GCGR: variants seen among roughly 807,000 people sequenced by gnomAD.
The protein encoded by GCGR is glucagon receptor.
In GCGR, 41 loss-of-function variants were observed where a neutral mutation model predicts 56.1. That is an observed-to-expected ratio of 0.73 (90% confidence interval 0.57 to 0.95). The LOEUF (loss-of-function observed/expected upper bound fraction) is 0.95. GCGR is among the 40% of genes least tolerant of loss of function. The pLI, the probability that GCGR is intolerant of heterozygous loss-of-function variation, is 0.00. For synonymous variants in GCGR, 278 were observed against 271.1 expected, an observed-to-expected ratio of 1.03 and a Z score of -0.25; for missense variants, 595 against 638.2, an observed-to-expected ratio of 0.93 and a Z score of 0.73.
chr17:81,813,462 C>T lies in GCGR; in HGVS notation c.1219-12C>T. The T allele has an allele frequency of 6.5e-7, 1 of 1,533,848 alleles. No homozygotes were observed. On this transcript the variant is annotated splice_polypyrimidine_tract_variant and intron_variant, in intron 13 of 13. Transcript: ENST00000400723. This position sits in a 1 kb window ranked among gnomAD's most constrained non-coding sequence, Gnocchi z 5.3. ...AGGCCCTAGGACTGGCCTGCCCCGT[C>T]CCCCTCCCCAGGTGCAGTCGGAGCT...
In GCGR at chr17:81,811,006, C is replaced by G; in HGVS notation, c.272-4C>G. On this transcript the variant is annotated splice_polypyrimidine_tract_variant and splice_region_variant and intron_variant, in intron 4 of 13. Transcript: ENST00000400723. This position sits in a 1 kb window ranked among gnomAD's most constrained non-coding sequence, Gnocchi z 5.8. ...CTGACCCCAGCCTCCCCCCACACCC[C>G]CAGTGCAACACCGCTTCGTGTTCAA... 6.5e-7 allele frequency: 1 copy of G among 1,535,900 alleles called. No homozygotes were observed. Among genetic ancestry groups the G allele is most frequent in the Non-Finnish European group, 8.7e-7 (1 of 1,146,684 alleles).
Position 81,813,364 on chromosome 17 carries a change from C to A in GCGR, c.1219-110C>A. On this transcript the variant is annotated intron_variant, in intron 13 of 13. Coordinates refer to ENST00000400723, the MANE Select transcript of GCGR (RefSeq NM_000160.5). This position sits in a 1 kb window ranked among gnomAD's most constrained non-coding sequence, Gnocchi z 5.3. Reference sequence around the variant, plus strand: ...CCAGCAGGGAGCTTGTGTCGCTCTGCACCCCTCAGAGCGGAGACTGGGCAT... The same window carrying A: ...CCAGCAGGGAGCTTGTGTCGCTCTGAACCCCTCAGAGCGGAGACTGGGCAT... 9.4e-7 allele frequency: 1 copy of A among 1,068,648 alleles called. No homozygotes were observed. Among genetic ancestry groups the A allele is most frequent in the South Asian group, 1.5e-5 (1 of 66,168 alleles). The allele number at this position is 1,068,648 out of a possible 1,614,324, so 66.2% of individuals were successfully genotyped here.
At position 81,813,803 on chromosome 17, in the gene GCGR, C is replaced by T. The variant is rs1214295708; in HGVS notation, c.*114C>T. On this transcript the variant is annotated 3_prime_UTR_variant, in exon 14 of 14. Transcript: ENST00000400723. This position sits in a 1 kb window ranked among gnomAD's most constrained non-coding sequence, Gnocchi z 5.3. Reference sequence around the variant, plus strand: ...GGGCGGGGGAGCCAACAGCAGCCCCCACCTACCCCCCACCCCCAGTGTGGC... The same window carrying T: ...GGGCGGGGGAGCCAACAGCAGCCCCTACCTACCCCCCACCCCCAGTGTGGC... 1.1e-6 allele frequency: 1 copy of T among 941,198 alleles called. No individual in the cohort carries two copies. Among genetic ancestry groups the T allele is most frequent in the Non-Finnish European group, 1.6e-6 (1 of 640,276 alleles). 58.3% of individuals were successfully genotyped at this position (941,198 alleles called of 1,614,324 possible).
Position 81,811,003 on chromosome 17 carries a change from C to T in GCGR, c.272-7C>T. ...GGGCTGACCCCAGCCTCCCCCCACA[C>T]CCCCAGTGCAACACCGCTTCGTGTT... is the stretch of plus-strand genomic sequence containing the variant. On this transcript the variant is annotated splice_polypyrimidine_tract_variant and splice_region_variant and intron_variant, in intron 4 of 13. Transcript: ENST00000400723. The surrounding 1 kb of genome is among the most constrained non-coding windows in gnomAD (Gnocchi z 5.8). 2.0e-6 allele frequency: 3 copies of T among 1,535,898 alleles called. No homozygotes were observed. In the South Asian group the frequency reaches 3.6e-5, roughly 18 times the overall value.
chr17:81,805,617 C>T (rs1225261578), intron 1 of GCGR, among the ~76,000 whole-genome samples: 1 of 147,898 alleles, frequency 6.8e-6, no homozygotes, highest in Non-Finnish European at 1.5e-5. Flanking sequence ...CCTCGGGAAC[C>T]CTCCCATTGG....
In GCGR at chr17:81,810,849, A is replaced by C. The variant is rs1283204989; in HGVS notation, c.188A>C (p.Asp63Ala). 6.5e-7 allele frequency: 1 copy of C among 1,536,594 alleles called. No homozygotes were observed. The change falls in exon 4 of 14, where the codon GAC becomes GCC. Residue 63 changes from aspartate to alanine, a missense_variant. Physicochemically the swap from Asp to Ala is moderately radical, Grantham distance 126 (BLOSUM62 -2). Coordinates refer to ENST00000400723, the MANE Select transcript of GCGR (RefSeq NM_000160.5). The surrounding 1 kb of genome is among the most constrained non-coding windows in gnomAD (Gnocchi z 4.6). ...PTELVCNRTF[D>A]KYSCWPDTPA... ...GAGCTGGTGTGCAACAGAACCTTCG[A>C]CAAGTATTCCTGCTGGCCGGACACC...
chr17:81,813,420 G>A lies in GCGR; in HGVS notation c.1219-54G>A. 1 of 1,484,754 alleles carries A rather than the reference G, an allele frequency of 6.7e-7. No homozygotes were observed. The allele number at this position is 1,484,754 out of a possible 1,614,324, so 92.0% of individuals were successfully genotyped here. ...ATGAGGCCCACAGCAGGTCCCGGTG[G>A]GGTGGAGAGGACAGGCAGGCCCTAG... is the stretch of plus-strand genomic sequence containing the variant. On this transcript the variant is annotated intron_variant, in intron 13 of 13. Transcript: ENST00000400723. The surrounding 1 kb of genome is among the most constrained non-coding windows in gnomAD (Gnocchi z 5.3).
Position 81,810,172 on chromosome 17 carries a change from C to T in GCGR, c.163+288C>T. On this transcript the variant is annotated intron_variant, in intron 3 of 13. Coordinates refer to ENST00000400723, the MANE Select transcript of GCGR (RefSeq NM_000160.5). The surrounding 1 kb of genome is among the most constrained non-coding windows in gnomAD (Gnocchi z 4.6). ...AGGCCCAGATGGGTAATACCACCTA[C>T]AGCCCCGTGGAGTTTTCAGTGGGCA... 7 of 506,362 alleles carry T rather than the reference C, an allele frequency of 1.4e-5. No individual in the cohort carries two copies. The highest frequency in any genetic ancestry group is 5.6e-4 in the Middle Eastern group (1 of 1,772). The allele number at this position is 506,362 out of a possible 1,614,324, so 31.4% of individuals were successfully genotyped here.
At position 81,810,608 on chromosome 17, in the gene GCGR, C is replaced by G. The variant is rs891255897; in HGVS notation, c.164-217C>G. On this transcript the variant is annotated intron_variant, in intron 3 of 13. Coordinates refer to ENST00000400723, the MANE Select transcript of GCGR (RefSeq NM_000160.5). This position sits in a 1 kb window ranked among gnomAD's most constrained non-coding sequence, Gnocchi z 4.6. ...TTCAGGGCTGGGCTGGGCGTGCTAG[C>G]GGAGGCTGGTCCAGGGGAGGTGGAT... Among the ~76,000 whole-genome samples, 1 of 151,152 alleles carries G rather than the reference C, an allele frequency of 6.6e-6. No homozygotes were observed. The highest frequency in any genetic ancestry group is 1.5e-5 in the Non-Finnish European group (1 of 67,812).
chr17:81,809,938 A>C, intron 3 of GCGR, 54 bp downstream of exon 3: 1 of 1,329,558 alleles, frequency 7.5e-7, no homozygotes, highest in Non-Finnish European at 1.0e-6. Flanking sequence ...GCACTTCCTG[A>C]GTTCTCTTCA....
intron 1 of GCGR, among the ~76,000 whole-genome samples, chr17:81,808,012 A>G (rs2037997357): frequency 6.6e-6 from 1 of 151,924 alleles, no homozygotes; most frequent in African/African-American, 2.4e-5. Context: ...CTGTGCAGCC[A>G]GCCTGTGGCG....
chr17:81,809,528 T>C (rs560400648), intron 2 of GCGR, among the ~76,000 whole-genome samples: 23 of 145,106 alleles, frequency 1.6e-4, no homozygotes, highest in African/African-American at 5.0e-4. Context: ...CCTGCCTGTC[T>C]GCCTGTCTGC....
At chr17:81,808,647 G>T (rs907949869) in intron 1 of GCGR, among the ~76,000 whole-genome samples, 195 bp from the exon 2 acceptor site, 4 of 151,808 alleles carry the variant, frequency 2.6e-5, no homozygotes, top group African/African-American at 4.8e-5. Flanking sequence ...AAGCTCCCGA[G>T]TAGCTGGGAC....
Position 81,812,730 on chromosome 17 carries a change from G to T in GCGR, c.1037+65G>T, listed in dbSNP as rs980081819. On this transcript the variant is annotated intron_variant, in intron 11 of 13. Coordinates refer to ENST00000400723, the MANE Select transcript of GCGR (RefSeq NM_000160.5). The surrounding 1 kb of genome is among the most constrained non-coding windows in gnomAD (Gnocchi z 8.5). ...CCTCAGGGCCAGAGGGCAGCTGGGG[G>T]TGGGGACTCCAAGCTCCACGTGGAT... 6.5e-6 allele frequency: 10 copies of T among 1,530,530 alleles called. No homozygotes were observed. The highest frequency in any genetic ancestry group is 1.8e-6 in the Non-Finnish European group (2 of 1,142,564). 94.8% of individuals were successfully genotyped at this position (1,530,530 alleles called of 1,614,324 possible). A position where few individuals can be genotyped will look rare whatever the true frequency, so the allele number is the denominator to read the frequency against.
rs748017317 is a variant in GCGR, at chr17:81,810,956, TG to T, written c.271+32del. The T allele has an allele frequency of 2.3e-5, 24 of 1,032,548 alleles. No individual in the cohort carries two copies. Among genetic ancestry groups the T allele is most frequent in the East Asian group, 4.0e-5 (1 of 24,930 alleles). 64.0% of individuals were successfully genotyped at this position (1,032,548 alleles called of 1,614,324 possible). On this transcript the variant is annotated intron_variant, in intron 4 of 13. Transcript: ENST00000400723. This position sits in a 1 kb window ranked among gnomAD's most constrained non-coding sequence, Gnocchi z 4.6. ...AGGTACCCATAGAGGGGAGGAACTG[TG>T]GGGGGGGCGGGCCCAGGGTGGGGCT...
At chr17:81,809,372 C>G (rs1344202072) in intron 2 of GCGR, among the ~76,000 whole-genome samples, 1 of 145,724 alleles carries the variant, frequency 6.9e-6, no homozygotes, top group Non-Finnish European at 1.5e-5. Flanking sequence ...GCCTGCCTGT[C>G]TGTCTGCTGC....
At position 81,811,542 on chromosome 17, in the gene GCGR, C is replaced by T. The variant is rs1388941188; in HGVS notation, c.639C>T (p.Ser213=). The T allele has an allele frequency of 1.3e-6, 2 of 1,536,356 alleles. No individual in the cohort carries two copies. Among genetic ancestry groups the T allele is most frequent in the African/African-American group, 1.4e-5 (1 of 73,034 alleles). The change falls in exon 7 of 14, where the codon AGC becomes AGT. Residue 213 remains serine (S), a synonymous_variant. Coordinates refer to ENST00000400723, the MANE Select transcript of GCGR (RefSeq NM_000160.5). This position sits in a 1 kb window ranked among gnomAD's most constrained non-coding sequence, Gnocchi z 5.8. ...SQKIGDDLSV[S]TWLSDGAVAG... ...AAATTGGCGACGACCTCAGTGTCAGCACCTGGCTCAGTGATGGAGTGAGCC... is the reference window on the plus strand; with the variant it reads ...AAATTGGCGACGACCTCAGTGTCAGTACCTGGCTCAGTGATGGAGTGAGCC...
In GCGR at chr17:81,812,266, G is replaced by C; in HGVS notation, c.948+14G>C. The C allele has an allele frequency of 1.3e-6, 2 of 1,535,086 alleles. No individual in the cohort carries two copies. Among genetic ancestry groups the C allele is most frequent in the Non-Finnish European group, 1.7e-6 (2 of 1,146,708 alleles). On this transcript the variant is annotated intron_variant, in intron 10 of 13. Coordinates refer to ENST00000400723, the MANE Select transcript of GCGR (RefSeq NM_000160.5). This position sits in a 1 kb window ranked among gnomAD's most constrained non-coding sequence, Gnocchi z 8.5. ...CTGGCCATCCTGGTGAGGAAATGAA[G>C]AGCCAGGAGCGCACCCCAGGCCCCT...
Position 81,810,135 on chromosome 17 carries a change from G to A in GCGR, c.163+251G>A, listed in dbSNP as rs1598236469. On this transcript the variant is annotated intron_variant, in intron 3 of 13. Transcript: ENST00000400723. The surrounding 1 kb of genome is among the most constrained non-coding windows in gnomAD (Gnocchi z 4.6). ...TGGCATTGCCCCAGAACCGGCTGCT[G>A]CTGCTGCCCCCAGGCCCAGATGGGT... 1.7e-6 allele frequency: 1 copy of A among 572,490 alleles called. No homozygotes were observed. The allele number at this position is 572,490 out of a possible 1,614,324, so 35.5% of individuals were successfully genotyped here. A position where few individuals can be genotyped will look rare whatever the true frequency, so the allele number is the denominator to read the frequency against.
Sources: gnomAD v4.1 joint callset for allele counts (sites outside exome capture counted in the v4.1 genomes callset) on GRCh38, gnomAD v4.1.1 for gene constraint, Gnocchi (gnomAD v3.1) non-coding constraint, MANE v1.5 for transcripts, NCBI Gene and HGNC (gene_info 2026-07-23, HGNC 2026-07-21) for gene names.